The following UTRN variants were observed in gnomAD, a reference collection of about 807,000 sequenced individuals.
UTRN encodes the protein utrophin, also known as dystrophin-related protein 1.
Under a neutral mutation model 463.9 loss-of-function variants are expected in UTRN, and 283 were observed. That is an observed-to-expected ratio of 0.61 (90% CI 0.55 to 0.67). The LOEUF (loss-of-function observed/expected upper bound fraction) is 0.67, where lower values mean the gene tolerates loss of function less well. Ranked by LOEUF, UTRN falls within the 30% of genes least tolerant of loss-of-function variation. The pLI, the probability that UTRN is intolerant of heterozygous loss-of-function variation, is 0.00. For missense variants in UTRN, 3,922 were observed against 4,084.3 expected (o/e 0.96, Z 1.08); for synonymous variants, 1,442 against 1,431.5 (o/e 1.01, Z -0.17).
chr6:144,419,687 T>TA (rs1784659297), intron 3 of UTRN, among the ~76,000 whole-genome samples: 1 of 152,142 alleles, frequency 6.6e-6, no homozygotes, highest in African/African-American at 2.4e-5. Context: ...TTATGCCTTG[T>TA]AAAAAACTAA....
At chr6:144,312,506 G>A (rs1383195443) in intron 2 of UTRN, among the ~76,000 whole-genome samples, 1 of 151,660 alleles carries the variant, frequency 6.6e-6, no homozygotes, top group African/African-American at 2.4e-5. Context: ...TTATTATAAT[G>A]TGGGTTTATT....
chr6:144,393,913 G>GT (rs1782164838), intron 2 of UTRN, among the ~76,000 whole-genome samples: 2 of 152,170 alleles, frequency 1.3e-5, no homozygotes, highest in Non-Finnish European at 2.9e-5. Flanking sequence ...TGACCCATGA[G>GT]TTTTTTGAGG....
chr6:144,483,939 C>T (rs993675873), intron 27 of UTRN, among the ~76,000 whole-genome samples: 1 of 152,174 alleles, frequency 6.6e-6, no homozygotes, highest in Non-Finnish European at 1.5e-5. Context: ...TGTACTGCTC[C>T]TTGATCTGGT....
chr6:144,389,762 C>A (rs1781745397), intron 2 of UTRN, among the ~76,000 whole-genome samples: 1 of 152,138 alleles, frequency 6.6e-6, no homozygotes, highest in African/African-American at 2.4e-5. Flanking sequence ...CCACGCACAG[C>A]TAATTTTTGT....
chr6:144,300,790 A>C (rs1477555122), intron 2 of UTRN, among the ~76,000 whole-genome samples: 1 of 152,360 alleles, frequency 6.6e-6, no homozygotes, highest in Non-Finnish European at 1.5e-5. Context: ...GTAAGTTTTC[A>C]TGAAACAGGA....
At chr6:144,436,415 C>A (rs1786535282) in intron 10 of UTRN, among the ~76,000 whole-genome samples, 1 of 152,142 alleles carries the variant, frequency 6.6e-6, no homozygotes, top group Non-Finnish European at 1.5e-5. Flanking sequence ...TTCTGAAGTG[C>A]ATTGTTATAT....
chr6:144,533,090 T>A lies in UTRN; in HGVS notation c.6063T>A (p.Leu2021=). 1 of 1,568,904 alleles carries A rather than the reference T, an allele frequency of 6.4e-7. No individual in the cohort carries two copies. The highest frequency in any genetic ancestry group is 8.8e-7 in the Non-Finnish European group (1 of 1,139,424). The stretch of plus-strand genomic sequence containing the variant: ...TGAGTTGTGCTCTGTTACAGGAACT[T>A]GAGGTGGGCATCAGCAGCCACCAGC... ...LEKARIHQQE[L]EVGISSHQPS... The change falls in exon 43 of 75, where the codon CTT becomes CTA. Residue 2021 remains leucine, a synonymous_variant. Coordinates refer to ENST00000367545, the MANE Select transcript of UTRN (RefSeq NM_007124.3).
In UTRN at chr6:144,850,062, T is replaced by A. The variant is rs112836928; in HGVS notation, c.10294-927T>A. On this transcript the variant is annotated intron_variant, in intron 74 of 74. Transcript: ENST00000367545. ...CCCTCAGTACAATGCCTGGAACCCA[T>A]CAGTGTTTGCTGAATTTTTGCTCCC... Among the ~76,000 whole-genome samples, 5 of 152,318 alleles carry A rather than the reference T, an allele frequency of 3.3e-5. 1 individual carries two copies. The highest frequency in any genetic ancestry group is 1.2e-4 in the African/African-American group (5 of 41,580).
chr6:144,312,855 AT>A (rs1241222407), intron 2 of UTRN, among the ~76,000 whole-genome samples: 1 of 152,210 alleles, frequency 6.6e-6, no homozygotes, highest in Non-Finnish European at 1.5e-5. Context: ...ACCATAGTGG[AT>A]TCATACAACT....
intron 51 of UTRN, among the ~76,000 whole-genome samples, chr6:144,666,994 A>T: frequency 6.6e-6 from 1 of 151,734 alleles, no homozygotes; most frequent in Non-Finnish European, 1.5e-5. Flanking sequence ...ATGCATCTTA[A>T]TGCACCACTA....
chr6:144,411,890 G>A (rs1463634250), intron 3 of UTRN, among the ~76,000 whole-genome samples: 1 of 151,942 alleles, frequency 6.6e-6, no homozygotes, highest in African/African-American at 2.4e-5. Flanking sequence ...AATTCTTAAA[G>A]AGGACGGCTG....
At chr6:144,768,634 A>G (rs150239241) in intron 58 of UTRN, among the ~76,000 whole-genome samples, 106 of 152,340 alleles carry the variant, frequency 7.0e-4, no homozygotes, top group African/African-American at 2.5e-3. Flanking sequence ...TCTGGATGCA[A>G]AGCTGACAAA....
chr6:144,642,240 A>T (rs1372504175), intron 51 of UTRN, among the ~76,000 whole-genome samples: 1 of 152,204 alleles, frequency 6.6e-6, no homozygotes, highest in Non-Finnish European at 1.5e-5. Context: ...TGGATTTAAT[A>T]TGTAGTGTGG....
intron 62 of UTRN, among the ~76,000 whole-genome samples, chr6:144,791,209 C>T (rs1776727498): frequency 6.6e-6 from 1 of 152,106 alleles, no homozygotes; most frequent in Admixed American, 6.5e-5. Flanking sequence ...ACAGTTTGCT[C>T]TTCAAATGCA....
intron 23 of UTRN, among the ~76,000 whole-genome samples, chr6:144,464,562 G>A (rs1325255445): frequency 6.6e-6 from 1 of 151,778 alleles, no homozygotes; most frequent in African/African-American, 2.4e-5. Context: ...GTGCCATGGT[G>A]CAATCTTGGC....
intron 6 of UTRN, among the ~76,000 whole-genome samples, chr6:144,425,599 T>C (rs1785227229): frequency 1.3e-5 from 2 of 152,320 alleles, no homozygotes; most frequent in South Asian, 4.1e-4. Flanking sequence ...CCCTTGTTTC[T>C]TGTTTCTCTA....
At chr6:144,330,667 G>A (rs530092371) in intron 2 of UTRN, among the ~76,000 whole-genome samples, 6 of 152,296 alleles carry the variant, frequency 3.9e-5, no homozygotes, top group Middle Eastern at 3.4e-3. Flanking sequence ...AGGCAGATAA[G>A]TGTTGTCACA....
At chr6:144,412,759 C>CCACACACACACACACACA (rs1784022745) in intron 3 of UTRN, among the ~76,000 whole-genome samples, 1 of 103,312 alleles carries the variant, frequency 9.7e-6, no homozygotes, top group South Asian at 2.7e-4. Flanking sequence ...TATACACACA[C>CCACACACACACACACACA]CATACACACA....
At chr6:144,684,453 T>C (rs1218683971) in intron 52 of UTRN, among the ~76,000 whole-genome samples, 5 of 152,208 alleles carry the variant, frequency 3.3e-5, no homozygotes, top group Admixed American at 1.3e-4. Context: ...CTTTTTACTT[T>C]ATCTGTAAAT....
Sources: allele counts gnomAD v4.1 joint callset (sites outside exome capture counted in the v4.1 genomes callset), GRCh38; gene constraint gnomAD v4.1.1; transcripts MANE v1.5; gene names NCBI Gene and HGNC (gene_info 2026-07-23, HGNC 2026-07-21).